The following WDR25 variants were observed in gnomAD, a reference collection of about 807,000 sequenced individuals.
WDR25 encodes the protein WD repeat-containing protein 25.
Under a neutral mutation model 47.7 loss-of-function variants are expected in WDR25, and 35 were observed. That is an observed-to-expected ratio of 0.73 (90% CI 0.56 to 0.97). The LOEUF (loss-of-function observed/expected upper bound fraction) is 0.97, where lower values mean the gene tolerates loss of function less well. Among genes scored for constraint, WDR25 ranks in the 50% least tolerant of loss-of-function variants. The pLI, the probability that WDR25 is intolerant of heterozygous loss-of-function variation, is 0.00. For missense variants in WDR25, 634 were observed against 704.7 expected (o/e 0.90, Z 1.14); for synonymous variants, 248 against 278.9 (o/e 0.89, Z 1.10).
rs1896894049 is a variant in WDR25, at chr14:100,381,463, G to C, written c.539G>C (p.Arg180Thr). 6.2e-7 allele frequency: 1 copy of C among 1,614,164 alleles called. No individual in the cohort carries two copies. Among genetic ancestry groups the C allele is most frequent in the African/African-American group, 1.3e-5 (1 of 75,052 alleles). The change falls in exon 2 of 7, where the codon AGA becomes ACA. Residue 180 changes from arginine (R) to threonine (T), a missense_variant. Physicochemically the swap from Arg to Thr is moderately conservative, Grantham distance 71. Transcript: ENST00000402312. ...EDCVVPYTPR[R>T]LRQRQALSTE... Reference sequence around the variant, plus strand: ...TGTGTGGTACCCTATACTCCCAGAAGACTAAGACAGCGGCAGGCATTAAGC... The same window carrying C: ...TGTGTGGTACCCTATACTCCCAGAACACTAAGACAGCGGCAGGCATTAAGC...
intron 2 of WDR25, among the ~76,000 whole-genome samples, chr14:100,457,307 A>G (rs1031933372): frequency 6.6e-5 from 10 of 152,330 alleles, no homozygotes; most frequent in African/African-American, 1.9e-4. Flanking sequence ...AGTAACCAGA[A>G]GGGGGAACAA....
At chr14:100,414,021 A>T in intron 2 of WDR25, among the ~76,000 whole-genome samples, 2 of 147,814 alleles carry the variant, frequency 1.4e-5, no homozygotes, top group African/African-American at 2.5e-5. Context: ...TTTGAGATAG[A>T]GTCTCACTCT....
At chr14:100,433,947 C>T (rs1898419158) in intron 2 of WDR25, among the ~76,000 whole-genome samples, 1 of 151,914 alleles carries the variant, frequency 6.6e-6, no homozygotes, top group Non-Finnish European at 1.5e-5. Context: ...AGATTTTGGC[C>T]AGGCATAGTG....
chr14:100,406,106 G>A (rs142729472), intron 2 of WDR25, among the ~76,000 whole-genome samples: 37 of 152,290 alleles, frequency 2.4e-4, no homozygotes, highest in Middle Eastern at 6.8e-3. Flanking sequence ...GGCTTCAGAA[G>A]CCCATGTCAG....
At chr14:100,452,897 T>C (rs1025150871) in intron 2 of WDR25, among the ~76,000 whole-genome samples, 1 of 152,130 alleles carries the variant, frequency 6.6e-6, no homozygotes, top group Non-Finnish European at 1.5e-5. Flanking sequence ...ACATTCATAG[T>C]GTTGTGTGGC....
intron 2 of WDR25, among the ~76,000 whole-genome samples, chr14:100,389,848 G>A (rs1452120154): frequency 1.3e-5 from 2 of 152,144 alleles, no homozygotes; most frequent in African/African-American, 2.4e-5. Context: ...TGGGGAGCTC[G>A]GCCCCCCCAT....
At chr14:100,385,239 TA>T (rs1896993363) in intron 2 of WDR25, among the ~76,000 whole-genome samples, 1 of 152,232 alleles carries the variant, frequency 6.6e-6, no homozygotes, top group South Asian at 2.1e-4. Flanking sequence ...AAGTGATCGA[TA>T]AAAATTAAAA....
At chr14:100,415,661 CTG>C (rs1340283554) in intron 2 of WDR25, among the ~76,000 whole-genome samples, 4 of 152,194 alleles carry the variant, frequency 2.6e-5, no homozygotes, top group Non-Finnish European at 5.9e-5. Context: ...GGACTCCTCT[CTG>C]TAATGCATCC....
chr14:100,481,439 C>T (rs890870353), intron 3 of WDR25, among the ~76,000 whole-genome samples: 7 of 140,554 alleles, frequency 5.0e-5, no homozygotes, highest in African/African-American at 1.1e-4. Flanking sequence ...AGTGTAAATG[C>T]TTTTTTTTTT....
intron 2 of WDR25, among the ~76,000 whole-genome samples, chr14:100,414,608 C>T (rs1017000466): frequency 6.6e-6 from 1 of 152,012 alleles, no homozygotes; most frequent in African/African-American, 2.4e-5. Context: ...CCACCGCACC[C>T]GGCCGCCTAG....
At chr14:100,386,599 AGATG>A (rs1475850511) in intron 2 of WDR25, among the ~76,000 whole-genome samples, 2 of 152,218 alleles carry the variant, frequency 1.3e-5, no homozygotes, top group African/African-American at 4.8e-5. Context: ...AATGCAGTTA[AGATG>A]GGCTTTGAGG....
intron 1 of WDR25, among the ~76,000 whole-genome samples, chr14:100,380,033 AC>A (rs1466090596): frequency 7.2e-6 from 1 of 139,162 alleles, no homozygotes; most frequent in Non-Finnish European, 1.6e-5. Context: ...GAACCACTGC[AC>A]CCAGCGCTTT....
intron 4 of WDR25, among the ~76,000 whole-genome samples, chr14:100,505,393 T>C (rs574607140): frequency 1.2e-4 from 18 of 152,368 alleles, no homozygotes; most frequent in African/African-American, 3.8e-4. Context: ...AAAATCAATT[T>C]GCCACATGAG....
At chr14:100,395,338 C>T (rs888672337) in intron 2 of WDR25, among the ~76,000 whole-genome samples, 1 of 152,210 alleles carries the variant, frequency 6.6e-6, no homozygotes, top group Admixed American at 6.5e-5. Flanking sequence ...CAGCATCCAC[C>T]TCAGTCTTCT....
chr14:100,399,751 A>T (rs981234189), intron 2 of WDR25, among the ~76,000 whole-genome samples: 1 of 152,228 alleles, frequency 6.6e-6, no homozygotes, highest in Non-Finnish European at 1.5e-5. Flanking sequence ...GGCCAAGCTG[A>T]TGCCACAGCT....
At position 100,468,225 on chromosome 14, in the gene WDR25, G is replaced by C. The variant is rs1004128214; in HGVS notation, c.970+57G>C. 3 of 1,573,090 alleles carry C rather than the reference G, an allele frequency of 1.9e-6. No individual in the cohort carries two copies. Among genetic ancestry groups the C allele is most frequent in the Non-Finnish European group, 2.6e-6 (3 of 1,160,140 alleles). ...GCTGGCAGCTCTCTCCCTGGGGAAG[G>C]TTCTCTGGTGGGCACGCAGCCACAA... On this transcript the variant is annotated intron_variant, in intron 3 of 6. Coordinates refer to ENST00000402312, the MANE Select transcript of WDR25 (RefSeq NM_001161476.3). The surrounding 1 kb of genome is among the most constrained non-coding windows in gnomAD (Gnocchi z 4.5).
chr14:100,460,567 A>G (rs1298322745), intron 2 of WDR25, among the ~76,000 whole-genome samples: 1 of 152,224 alleles, frequency 6.6e-6, no homozygotes, highest in Non-Finnish European at 1.5e-5. Context: ...AATGTTAATG[A>G]CTAATTATGA....
At chr14:100,528,855 C>G (rs2140399541) in intron 5 of WDR25, among the ~76,000 whole-genome samples, 1 of 152,334 alleles carries the variant, frequency 6.6e-6, no homozygotes, top group East Asian at 1.9e-4. Flanking sequence ...GACTTCAGCC[C>G]AGCGAGGCCT....
intron 2 of WDR25, among the ~76,000 whole-genome samples, chr14:100,384,724 CAA>C (rs1258858054): frequency 6.6e-6 from 1 of 152,144 alleles, no homozygotes; most frequent in Non-Finnish European, 1.5e-5. Flanking sequence ...GGAATGAGCT[CAA>C]AGAGGCGGGT....
Sources: gnomAD v4.1 joint callset for allele counts (sites outside exome capture counted in the v4.1 genomes callset) on GRCh38, gnomAD v4.1.1 for gene constraint, Gnocchi (gnomAD v3.1) non-coding constraint, MANE v1.5 for transcripts, NCBI Gene and HGNC (gene_info 2026-07-23, HGNC 2026-07-21) for gene names.